Variants in HPSE2 observed in about 807,000 individuals in gnomAD.
HPSE2 encodes inactive heparanase-2.
In HPSE2, 38 loss-of-function variants were observed where a neutral mutation model predicts 60.5. That is an observed-to-expected ratio of 0.63 (90% CI 0.48 to 0.82). HPSE2 has a LOEUF of 0.82. HPSE2 is among the 40% of genes least tolerant of loss of function. HPSE2 has a pLI of 0.00. For synonymous variants in HPSE2, 295 were observed against 293.2 expected (o/e 1.01, Z -0.06); for missense variants, 713 against 740.4 (o/e 0.96, Z 0.43).
intron 11 of HPSE2, among the ~76,000 whole-genome samples, chr10:98,465,707 A>C (rs536761086): frequency 1.3e-5 from 2 of 152,276 alleles, no homozygotes; most frequent in East Asian, 3.9e-4. Context: ...AACCGTCCTT[A>C]TCATATTTTC....
At chr10:99,268,527 T>C in the HPSE2 span, among the ~76,000 whole-genome samples, 1 of 150,652 alleles carries the variant, frequency 6.6e-6, no homozygotes, top group Non-Finnish European at 1.5e-5. Flanking sequence ...GCACCTATAA[T>C]CCCAGCTACC....
intron 3 of HPSE2, among the ~76,000 whole-genome samples, chr10:99,114,998 T>C (rs1404625065): frequency 6.6e-6 from 1 of 152,068 alleles, no homozygotes; most frequent in Non-Finnish European, 1.5e-5. Context: ...TGTTTTGTTT[T>C]ATTGAGACAG....
intron 9 of HPSE2, among the ~76,000 whole-genome samples, chr10:98,514,377 C>A (rs1284577047): frequency 6.6e-6 from 1 of 152,046 alleles, no homozygotes; most frequent in Non-Finnish European, 1.5e-5. Context: ...CGTGAATGTA[C>A]TTCATAACAC....
rs906107534 is a variant in HPSE2, at chr10:98,470,485, G to C, written c.1614-10746C>G. 5.3e-5 allele frequency among the ~76,000 whole-genome samples: 8 copies of C among 152,224 alleles called. No individual in the cohort carries two copies. The East Asian group carries it at 1.5e-3, about 29-fold the overall frequency. The stretch of plus-strand genomic sequence containing the variant: ...CCTGCCCTGGGCTTCCTGATGCTTA[G>C]CAGCCAAAGAAACACCAATTCAGGG... On this transcript the variant is annotated intron_variant, in intron 11 of 11. Transcript: ENST00000370552.
At chr10:98,902,079 C>T (rs1421274170) in intron 3 of HPSE2, among the ~76,000 whole-genome samples, 1 of 151,912 alleles carries the variant, frequency 6.6e-6, no homozygotes, top group Non-Finnish European at 1.5e-5. Context: ...TTATTTTTTT[C>T]GGCATTAAAG....
At chr10:99,297,499 T>A in the HPSE2 span, among the ~76,000 whole-genome samples, 1 of 152,242 alleles carries the variant, frequency 6.6e-6, no homozygotes, top group Non-Finnish European at 1.5e-5. Flanking sequence ...CCAGAAAGCA[T>A]GTCCTTGTCA....
chr10:99,039,599 G>A (rs761756193), intron 3 of HPSE2, among the ~76,000 whole-genome samples: 7 of 151,354 alleles, frequency 4.6e-5, no homozygotes, highest in Non-Finnish European at 8.8e-5. Context: ...TGGTACTCTG[G>A]TCTGTGATGT....
chr10:98,940,553 T>C (rs1954961527), intron 3 of HPSE2, among the ~76,000 whole-genome samples: 1 of 143,152 alleles, frequency 7.0e-6, no homozygotes, highest in Admixed American at 6.9e-5. Flanking sequence ...AATCTCTGAA[T>C]AGACCAATAA....
intron 3 of HPSE2, among the ~76,000 whole-genome samples, chr10:99,122,062 T>C (rs977786396): frequency 1.3e-5 from 2 of 152,124 alleles, no homozygotes; most frequent in South Asian, 2.1e-4. Flanking sequence ...AAATTATGTA[T>C]ATGTATGTGC....
intron 3 of HPSE2, among the ~76,000 whole-genome samples, chr10:98,946,746 G>A (rs1441422992): frequency 1.3e-5 from 2 of 151,932 alleles, no homozygotes; most frequent in Admixed American, 1.3e-4. Flanking sequence ...AATGTAAAGA[G>A]GCAGTATTAA....
intron 9 of HPSE2, among the ~76,000 whole-genome samples, chr10:98,514,037 A>C (rs1942508382): frequency 6.6e-6 from 1 of 152,146 alleles, no homozygotes; most frequent in Non-Finnish European, 1.5e-5. Flanking sequence ...TCAACAAAAT[A>C]TGGCACATAT....
At chr10:98,532,167 G>A (rs1198738338) in intron 9 of HPSE2, among the ~76,000 whole-genome samples, 1 of 152,162 alleles carries the variant, frequency 6.6e-6, no homozygotes, top group Non-Finnish European at 1.5e-5. Context: ...GGGCTGAGAA[G>A]CTCTTTGAGA....
At chr10:98,574,474 C>T (rs1194311529) in intron 9 of HPSE2, among the ~76,000 whole-genome samples, 3 of 151,974 alleles carry the variant, frequency 2.0e-5, no homozygotes, top group African/African-American at 7.3e-5. Flanking sequence ...CAAAAGAGAA[C>T]AGTAGAAGTA....
At chr10:99,230,570 C>T (rs1849611070) in intron 2 of HPSE2, among the ~76,000 whole-genome samples, 1 of 152,014 alleles carries the variant, frequency 6.6e-6, no homozygotes, top group African/African-American at 2.4e-5. Flanking sequence ...CAGGGCACTG[C>T]CTTCTGCCAA....
chr10:98,798,869 A>C (rs888972894), intron 3 of HPSE2, among the ~76,000 whole-genome samples: 1 of 152,200 alleles, frequency 6.6e-6, no homozygotes, highest in Non-Finnish European at 1.5e-5. Context: ...AAATGGCAAG[A>C]GTAAGTCTGT....
intron 3 of HPSE2, among the ~76,000 whole-genome samples, chr10:98,963,421 G>A (rs1242846678): frequency 6.6e-6 from 1 of 152,118 alleles, no homozygotes; most frequent in African/African-American, 2.4e-5. Context: ...ACACTAGTAT[G>A]TCATTAGTAC....
intron 3 of HPSE2, among the ~76,000 whole-genome samples, chr10:98,877,551 A>G (rs778324747): frequency 2.6e-5 from 4 of 151,950 alleles, no homozygotes; most frequent in Non-Finnish European, 5.9e-5. Context: ...TGGCAGGATT[A>G]TATCAGTTAA....
intron 3 of HPSE2, among the ~76,000 whole-genome samples, chr10:99,057,604 G>A (rs1958143231): frequency 6.6e-6 from 1 of 152,076 alleles, no homozygotes; most frequent in South Asian, 2.1e-4. Flanking sequence ...ATAAGTTGGG[G>A]ATAACTCCAC....
chr10:98,938,066 A>G (rs1485810532), intron 3 of HPSE2, among the ~76,000 whole-genome samples: 1 of 143,166 alleles, frequency 7.0e-6, no homozygotes, highest in East Asian at 2.0e-4. Flanking sequence ...CAGAAAGGAC[A>G]TCCACACCAA....
Sources: allele counts gnomAD v4.1 joint callset (sites outside exome capture counted in the v4.1 genomes callset), GRCh38; gene constraint gnomAD v4.1.1; transcripts MANE v1.5; gene names NCBI Gene and HGNC (gene_info 2026-07-23, HGNC 2026-07-21).